JAKMIP3: variants seen among roughly 807,000 people sequenced by gnomAD.
JAKMIP3 encodes the protein Janus kinase and microtubule interacting protein 3, also known as janus kinase and microtubule-interacting protein 3.
In JAKMIP3, 58 loss-of-function variants were observed where a neutral mutation model predicts 118.5. The ratio of observed to expected loss-of-function variants is 0.49; its 90% confidence interval spans 0.40 to 0.61. JAKMIP3 has a LOEUF of 0.61. Ranked by LOEUF, JAKMIP3 falls within the 20% of genes least tolerant of loss-of-function variation. The probability of loss-of-function intolerance (pLI) is 0.00; values close to 1 mark genes in which losing one functional copy is unlikely to be tolerated. For missense variants in JAKMIP3, 950 were observed against 1,109.0 expected (o/e 0.86, Z 2.04); for synonymous variants, 486 against 451.2 (o/e 1.08, Z -0.98).
chr10:132,094,351 A>G (rs949932535), intron 1 of JAKMIP3, among the ~76,000 whole-genome samples: 1 of 152,064 alleles, frequency 6.6e-6, no homozygotes, highest in Admixed American at 6.5e-5. Context: ...TCATATTACC[A>G]GAGTTGGTTT....
chr10:132,154,091 A>G (rs1363897166), intron 19 of JAKMIP3, 101 bp downstream of exon 19: 3 of 969,366 alleles, frequency 3.1e-6, no homozygotes, highest in Non-Finnish European at 3.2e-6. Context: ...CATGTGGGCC[A>G]GGTCGCAGGG....
chr10:132,054,575 G>T (rs1007118199), intron 1 of JAKMIP3, among the ~76,000 whole-genome samples: 1 of 152,210 alleles, frequency 6.6e-6, no homozygotes, highest in Non-Finnish European at 1.5e-5. Flanking sequence ...CCCACACTAC[G>T]AACCAGTCTC....
intron 23 of JAKMIP3, among the ~76,000 whole-genome samples, chr10:132,172,983 CTCTCTCT>C (rs2059668308): frequency 4.0e-5 from 3 of 74,502 alleles, no homozygotes; most frequent in East Asian, 2.2e-3. Flanking sequence ...CTCCTTCCCT[CTCTCTCT>C]CTCTCCTTCC....
chr10:132,137,126 A>C lies in JAKMIP3; in HGVS notation c.1224A>C (p.Gln408His), dbSNP rs2051949839. ...DFLKLQIVEQ[Q>H]NLIDELSKTL... The stretch of plus-strand genomic sequence containing the variant: ...TGAAGCTTCAGATTGTGGAGCAGCA[A>C]AACCTCATAGATGAACTGTCTAAGG... Residue 408 changes from glutamine (Q) to histidine (H), a missense_variant, in exon 7 of 24, where the codon CAA becomes CAC. Physicochemically the swap from Gln to His is conservative, Grantham distance 24 (BLOSUM62 0). Transcript: ENST00000684848. 1 of 1,613,812 alleles carries C rather than the reference A, an allele frequency of 6.2e-7. No homozygotes were observed. The highest frequency in any genetic ancestry group is 1.3e-5 in the African/African-American group (1 of 74,918).
chr10:132,155,356 C>T (rs888827407), intron 19 of JAKMIP3, among the ~76,000 whole-genome samples: 2 of 152,204 alleles, frequency 1.3e-5, no homozygotes, highest in African/African-American at 2.4e-5. Flanking sequence ...CCCAAGGACA[C>T]GCAGTCAGAA....
chr10:132,178,967 T>C (rs940039082), intron 23 of JAKMIP3, among the ~76,000 whole-genome samples: 1 of 152,204 alleles, frequency 6.6e-6, no homozygotes, highest in African/African-American at 2.4e-5. Flanking sequence ...CATGGTGGTA[T>C]TGATGAGGGT....
chr10:132,086,981 G>A (rs1440509871), intron 1 of JAKMIP3, among the ~76,000 whole-genome samples: 2 of 152,184 alleles, frequency 1.3e-5, no homozygotes, highest in Non-Finnish European at 2.9e-5. Flanking sequence ...GCTTTTAAGA[G>A]GTTCTGTTTT....
intron 1 of JAKMIP3, among the ~76,000 whole-genome samples, chr10:132,051,794 A>G (rs1432555797): frequency 6.6e-6 from 1 of 152,132 alleles, no homozygotes; most frequent in African/African-American, 2.4e-5. Context: ...TTCTGTAGAG[A>G]TGGCGTTTCG....
chr10:132,155,041 A>T (rs1471226765), intron 19 of JAKMIP3, among the ~76,000 whole-genome samples: 1 of 145,144 alleles, frequency 6.9e-6, no homozygotes, highest in Non-Finnish European at 1.5e-5. Context: ...GATGGCAATG[A>T]TCATGATGAC....
intron 21 of JAKMIP3, 24 bp from the exon 22 acceptor site, chr10:132,166,959 T>TCCATCCTCCCCTTTCCGTTTCA: frequency 6.7e-7 from 1 of 1,485,350 alleles, no homozygotes; most frequent in Non-Finnish European, 9.2e-7. Flanking sequence ...CTTCCGTTTC[T>TCCATCCTCCCCTTTCCGTTTCA]CCATCCTCCC....
intron 19 of JAKMIP3, among the ~76,000 whole-genome samples, chr10:132,155,838 TGAGAGCCAGCCCCGG>T (rs2057023445): frequency 6.6e-6 from 1 of 152,196 alleles, no homozygotes; most frequent in African/African-American, 2.4e-5. Flanking sequence ...CTCTGAGTAC[TGAGAGCCAGCCCCGG>T]GTGAGCTGGC....
chr10:132,080,082 A>T (rs2041520672), intron 1 of JAKMIP3, among the ~76,000 whole-genome samples: 1 of 152,254 alleles, frequency 6.6e-6, no homozygotes, highest in Non-Finnish European at 1.5e-5. Flanking sequence ...CAGGAGGCTG[A>T]CGCAGGATAA....
chr10:132,140,831 C>T (rs1247907082), intron 10 of JAKMIP3, among the ~76,000 whole-genome samples: 1 of 152,204 alleles, frequency 6.6e-6, no homozygotes, highest in Non-Finnish European at 1.5e-5. Flanking sequence ...CTCTTGCTCC[C>T]ATGAAGGCCA....
chr10:132,053,592 A>T (rs1471694100), intron 1 of JAKMIP3, among the ~76,000 whole-genome samples: 1 of 152,194 alleles, frequency 6.6e-6, no homozygotes, highest in Non-Finnish European at 1.5e-5. Flanking sequence ...CTTAAGTGGG[A>T]GGTGAGTTCA....
At chr10:132,120,832 C>A (rs757341778) in intron 3 of JAKMIP3, among the ~76,000 whole-genome samples, 1 of 152,236 alleles carries the variant, frequency 6.6e-6, no homozygotes, top group Non-Finnish European at 1.5e-5. Flanking sequence ...CCCGTGGTGA[C>A]GGACAGGGCT....
Position 132,171,934 on chromosome 10 carries a change from A to G in JAKMIP3, c.*1103+2901A>G, listed in dbSNP as rs143217733. On this transcript the variant is annotated intron_variant, in intron 23 of 23. Coordinates refer to ENST00000684848, the MANE Select transcript of JAKMIP3 (RefSeq NM_001323087.2). ...CTCCCAAAGTGCTGGGATTACAGGC[A>G]TGAGCCCCTGCGCCCGGCCTGTCCC... 9.0e-3 allele frequency among the ~76,000 whole-genome samples: 1,371 copies of G among 152,208 alleles called. 15 individuals carry two copies. Among genetic ancestry groups the G allele is most frequent in the African/African-American group, 0.031 (1,277 of 41,534 alleles).
At chr10:132,176,851 C>A (rs575612573) in intron 23 of JAKMIP3, among the ~76,000 whole-genome samples, 19 of 151,964 alleles carry the variant, frequency 1.3e-4, no homozygotes, top group African/African-American at 4.6e-4. Context: ...TCTCCGGATG[C>A]GCTGGTGCCG....
At position 132,179,711 on chromosome 10, in the gene JAKMIP3, A is replaced by ACACCACGGCAGGGTCG. The variant is rs1377172598; in HGVS notation, c.*1104-2639_*1104-2624dup. 1.3e-5 allele frequency among the ~76,000 whole-genome samples: 2 copies of ACACCACGGCAGGGTCG among 152,000 alleles called. No homozygotes were observed. Among genetic ancestry groups the ACACCACGGCAGGGTCG allele is most frequent in the South Asian group, 4.2e-4 (2 of 4,802 alleles). The stretch of plus-strand genomic sequence containing the variant: ...CACACAGTCACACCACAGCAGGGCC[A>ACACCACGGCAGGGTCG]CACCACGGCAGGGTCGCACCACAGC... On this transcript the variant is annotated intron_variant, in intron 23 of 23. Transcript: ENST00000684848. This position sits in a 1 kb window ranked among gnomAD's most constrained non-coding sequence, Gnocchi z 4.3.
intron 16 of JAKMIP3, among the ~76,000 whole-genome samples, chr10:132,152,174 C>T (rs1322674061): frequency 2.0e-5 from 3 of 152,208 alleles, no homozygotes; most frequent in Non-Finnish European, 4.4e-5. Flanking sequence ...CCATGGACTA[C>T]AGACTGAGCC....
Sources: allele counts gnomAD v4.1 joint callset (sites outside exome capture counted in the v4.1 genomes callset), GRCh38; gene constraint gnomAD v4.1.1; non-coding constraint Gnocchi (gnomAD v3.1); transcripts MANE v1.5; gene names NCBI Gene and HGNC (gene_info 2026-07-23, HGNC 2026-07-21).